BRAF: variants seen among roughly 807,000 people sequenced by gnomAD.
BRAF encodes serine/threonine-protein kinase B-raf.
Under a neutral mutation model 104.6 loss-of-function variants are expected in BRAF, and 16 were observed. The ratio of observed to expected loss-of-function variants is 0.15; its 90% confidence interval spans 0.10 to 0.23. The LOEUF (loss-of-function observed/expected upper bound fraction) is 0.23. Ranked by LOEUF, BRAF falls within the 10% of genes least tolerant of loss-of-function variation. BRAF has a pLI of 1.00. For synonymous variants in BRAF, 310 were observed against 341.6 expected, an observed-to-expected ratio of 0.91 and a Z score of 1.02; for missense variants, 541 against 937.3, an observed-to-expected ratio of 0.58 and a Z score of 5.52.
chr7:140,877,672 A>G (rs956996938), intron 1 of BRAF, among the ~76,000 whole-genome samples: 4 of 152,134 alleles, frequency 2.6e-5, no homozygotes, highest in Admixed American at 1.3e-4. Flanking sequence ...ACAATGAACT[A>G]CAGACTCCCC....
Position 140,913,469 on chromosome 7 carries a change from C to CTTTTTTTT in BRAF, c.138+11089_138+11096dup, listed in dbSNP as rs369746551. Among the ~76,000 whole-genome samples, 37 of 57,016 alleles carry CTTTTTTTT rather than the reference C, an allele frequency of 6.5e-4. 3 individuals carry two copies. Among genetic ancestry groups the CTTTTTTTT allele is most frequent in the South Asian group, 1.7e-3 (2 of 1,192 alleles). 37.4% of individuals were successfully genotyped at this position (57,016 alleles called of 152,430 possible). ...ATGACAAAGCAAATGTTAATCACAG[C>CTTTTTTTT]TTTTTTTTTTTTTTTTTTTTTTTTT... On this transcript the variant is annotated intron_variant, in intron 1 of 19. Transcript: ENST00000644969.
chr7:140,714,241 G>C, the BRAF span, among the ~76,000 whole-genome samples: 1 of 152,190 alleles, frequency 6.6e-6, no homozygotes, highest in African/African-American at 2.4e-5. Flanking sequence ...AAGGCATACT[G>C]CTAACTAGTT....
intron 2 of BRAF, among the ~76,000 whole-genome samples, chr7:140,848,592 G>A (rs1486759769): frequency 1.3e-5 from 2 of 152,310 alleles, no homozygotes; most frequent in Non-Finnish European, 2.9e-5. Context: ...CTCAGCATGG[G>A]TTCAAAGTCT....
Position 140,726,180 on chromosome 7 carries a change from C to T in BRAF, c.*314G>A. The T allele has an allele frequency of 8.5e-7, 1 of 1,173,946 alleles. No homozygotes were observed. The highest frequency in any genetic ancestry group is 3.8e-5 in the East Asian group (1 of 26,028). The allele number at this position is 1,173,946 out of a possible 1,614,324, so 72.7% of individuals were successfully genotyped here. On this transcript the variant is annotated 3_prime_UTR_variant, in exon 20 of 20. Transcript: ENST00000644969. ...TAGCAAATCTCCCAAGCTGTAGCAG[C>T]AGTTTCTTTCCATCATGCCTGACCA...
chr7:140,900,194 C>A (rs1815442503), intron 1 of BRAF, among the ~76,000 whole-genome samples: 1 of 152,222 alleles, frequency 6.6e-6, no homozygotes, highest in Non-Finnish European at 1.5e-5. Context: ...TTATAAGTAT[C>A]TTCTATTCCT....
intron 4 of BRAF, 42 bp from the exon 5 acceptor site, chr7:140,808,104 A>C (rs1314713768): frequency 1.4e-6 from 2 of 1,429,030 alleles, no homozygotes; most frequent in Non-Finnish European, 2.0e-6. Context: ...TATTACACCT[A>C]AAAATATTCA....
intron 2 of BRAF, among the ~76,000 whole-genome samples, chr7:140,843,392 C>T (rs1808195638): frequency 6.6e-6 from 1 of 152,192 alleles, no homozygotes; most frequent in African/African-American, 2.4e-5. Flanking sequence ...GACAACTGAC[C>T]TGTGTAGAAC....
intron 1 of BRAF, among the ~76,000 whole-genome samples, chr7:140,879,141 G>A (rs1474479425): frequency 1.3e-5 from 2 of 151,956 alleles, no homozygotes; most frequent in African/African-American, 2.4e-5. Flanking sequence ...GCCTCCCAAA[G>A]AGCCAGGATT....
At chr7:140,851,769 G>A (rs1441378672) in intron 1 of BRAF, among the ~76,000 whole-genome samples, 3 of 152,158 alleles carry the variant, frequency 2.0e-5, no homozygotes, top group Non-Finnish European at 4.4e-5. Context: ...ACTTTTGCCA[G>A]TCTGAAAGGG....
chr7:140,750,514 G>A (rs1797701159), intron 16 of BRAF, among the ~76,000 whole-genome samples: 1 of 152,214 alleles, frequency 6.6e-6, no homozygotes, highest in Non-Finnish European at 1.5e-5. Context: ...CTCCACAGAT[G>A]ATTCTAGTGT....
At chr7:140,811,942 C>CTT (rs1804314196) in intron 3 of BRAF, among the ~76,000 whole-genome samples, 1 of 152,180 alleles carries the variant, frequency 6.6e-6, no homozygotes, top group African/African-American at 2.4e-5. Context: ...TGAAAGCTCA[C>CTT]TTTTCCCTGT....
intron 1 of BRAF, among the ~76,000 whole-genome samples, chr7:140,870,891 A>G (rs970624971): frequency 6.7e-6 from 1 of 149,584 alleles, no homozygotes; most frequent in Admixed American, 6.7e-5. Context: ...AAAAAAAAAG[A>G]CTTTTAACAA....
chr7:140,921,909 A>G (rs528565617), intron 1 of BRAF, among the ~76,000 whole-genome samples: 2 of 152,308 alleles, frequency 1.3e-5, no homozygotes, highest in South Asian at 4.1e-4. Flanking sequence ...ATTTGCAGTA[A>G]AAGATCCCTT....
chr7:140,774,103 A>G (rs1016649475), intron 14 of BRAF, among the ~76,000 whole-genome samples: 1 of 152,208 alleles, frequency 6.6e-6, no homozygotes, highest in Non-Finnish European at 1.5e-5. Context: ...TTACAAGACA[A>G]AACAAAAAGA....
rs1165237349 is a variant in BRAF, at chr7:140,771,367, TG to T, written c.1814+5544del. ...CACACCATCACATCCAGCTAATTTT[TG>T]TATTTTTTGTAGAGACGGGGTTTTG... On this transcript the variant is annotated intron_variant, in intron 14 of 19. Coordinates refer to ENST00000644969, the MANE Select transcript of BRAF (RefSeq NM_001374258.1). 6.6e-5 allele frequency among the ~76,000 whole-genome samples: 10 copies of T among 151,764 alleles called. No individual in the cohort carries two copies. The South Asian group carries it at 2.1e-3, about 31-fold the overall frequency.
intron 1 of BRAF, among the ~76,000 whole-genome samples, chr7:140,906,256 C>G (rs1016530875): frequency 6.6e-6 from 1 of 151,984 alleles, no homozygotes; most frequent in African/African-American, 2.4e-5. Flanking sequence ...GGCTGGTGTG[C>G]AGTGGCACGA....
At chr7:140,751,590 C>G (rs1446404133) in intron 16 of BRAF, among the ~76,000 whole-genome samples, 1 of 152,114 alleles carries the variant, frequency 6.6e-6, no homozygotes, top group Admixed American at 6.5e-5. Context: ...TAGTCCAACT[C>G]AACATTTCAG....
At chr7:140,770,755 G>A (rs1216360915) in intron 14 of BRAF, among the ~76,000 whole-genome samples, 1 of 151,894 alleles carries the variant, frequency 6.6e-6, no homozygotes, top group Non-Finnish European at 1.5e-5. Flanking sequence ...GGCCATCATG[G>A]TGAAAACCCG....
intron 1 of BRAF, among the ~76,000 whole-genome samples, chr7:140,885,447 C>T (rs535609839): frequency 4.6e-5 from 7 of 151,978 alleles, no homozygotes; most frequent in South Asian, 2.1e-4. Flanking sequence ...CTCACAAGAA[C>T]GAGAATGAAA....
Sources: allele counts gnomAD v4.1 joint callset (sites outside exome capture counted in the v4.1 genomes callset), GRCh38; gene constraint gnomAD v4.1.1; transcripts MANE v1.5; gene names NCBI Gene and HGNC (gene_info 2026-07-23, HGNC 2026-07-21).